Variants in IL17F observed in about 807,000 individuals in gnomAD.
IL17F encodes interleukin-17F.
A neutral mutation model predicts 8.3 loss-of-function variants in IL17F; 6 were observed. The ratio of observed to expected loss-of-function variants is 0.73; its 90% CI spans 0.40 to 1.43. The LOEUF (loss-of-function observed/expected upper bound fraction) is 1.43, where lower values mean the gene tolerates loss of function less well. Ranked by LOEUF, IL17F falls within the 40% of genes most tolerant of loss-of-function variation. IL17F has a pLI of 0.02. For synonymous variants in IL17F, 98 were observed against 81.6 expected (o/e 1.20, Z -1.08); for missense variants, 204 against 209.6 (o/e 0.97, Z 0.17).
intron 1 of IL17F, among the ~76,000 whole-genome samples, chr6:52,243,356 G>C (rs1198469704): frequency 1.3e-5 from 2 of 152,078 alleles, no homozygotes; most frequent in Non-Finnish European, 2.9e-5. Flanking sequence ...AGACCTGCTG[G>C]GGCTAGATTT....
chr6:52,238,696 A>G, intron 2 of IL17F, 34 bp downstream of exon 2: 1 of 1,540,990 alleles, frequency 6.5e-7, no homozygotes, highest in Non-Finnish European at 9.0e-7. Flanking sequence ...ATATTTTTCC[A>G]AAGAATGTGA....
At chr6:52,241,191 GC>G (rs1325943860) in intron 1 of IL17F, among the ~76,000 whole-genome samples, 2 of 152,118 alleles carry the variant, frequency 1.3e-5, no homozygotes, top group Non-Finnish European at 2.9e-5. Flanking sequence ...CGATTCTCCT[GC>G]CTCAGCCTTC....
chr6:52,243,997 G>A (rs1037252475), intron 1 of IL17F, among the ~76,000 whole-genome samples: 1 of 152,106 alleles, frequency 6.6e-6, no homozygotes, highest in African/African-American at 2.4e-5. Flanking sequence ...GACCTCAAGT[G>A]ATCCACCCAC....
chr6:52,244,485 G>GT lies in IL17F; in HGVS notation c.-57dup, dbSNP rs1236977136. 1 of 1,515,734 alleles carries GT rather than the reference G, an allele frequency of 6.6e-7. No homozygotes were observed. Among genetic ancestry groups the GT allele is most frequent in the African/African-American group, 1.4e-5 (1 of 72,868 alleles). 93.9% of individuals were successfully genotyped at this position (1,515,734 alleles called of 1,614,324 possible). On this transcript the variant is annotated 5_prime_UTR_variant, in exon 1 of 3. Transcript: ENST00000336123. ...GCTCTTTCTGTGAATGTATCTTCCT[G>GT]TGTATGCCTGTGTTCTATCAATGAG...
At position 52,244,474 on chromosome 6, in the gene IL17F, T is replaced by G; in HGVS notation, c.-45A>C. 6.3e-7 allele frequency: 1 copy of G among 1,585,206 alleles called. No individual in the cohort carries two copies. The highest frequency in any genetic ancestry group is 1.7e-4 in the Middle Eastern group (1 of 5,994). ...TTGTGCAGGAAGCTCTTTCTGTGAA[T>G]GTATCTTCCTGTGTATGCCTGTGTT... On this transcript the variant is annotated 5_prime_UTR_variant, in exon 1 of 3. Transcript: ENST00000336123.
intron 1 of IL17F, among the ~76,000 whole-genome samples, chr6:52,244,141 C>T (rs186310225): frequency 3.7e-4 from 56 of 152,166 alleles, no homozygotes; most frequent in Admixed American, 1.2e-3. Flanking sequence ...GTGACCCGCC[C>T]GCCTTGGCCT....
upstream of IL17F, among the ~76,000 whole-genome samples, chr6:52,245,265 A>G (rs1308374296): frequency 6.6e-6 from 1 of 152,192 alleles, no homozygotes; most frequent in Non-Finnish European, 1.5e-5. Context: ...ATCTCCAGGT[A>G]GGTAGAGTCA....
intron 1 of IL17F, among the ~76,000 whole-genome samples, chr6:52,242,741 C>T (rs1284769806): frequency 6.6e-6 from 1 of 152,136 alleles, no homozygotes; most frequent in East Asian, 1.9e-4. Flanking sequence ...GAAAGTATTC[C>T]CATCTACTTC....
chr6:52,240,385 C>G (rs544215020), intron 1 of IL17F, among the ~76,000 whole-genome samples: 1 of 142,714 alleles, frequency 7.0e-6, no homozygotes, highest in Admixed American at 7.5e-5. Flanking sequence ...TGCAGTGAGC[C>G]GAAATTGCAC....
chr6:52,244,535 C>T, upstream of IL17F: 3 of 1,108,710 alleles, frequency 2.7e-6, no homozygotes, highest in Non-Finnish European at 4.1e-6. Context: ...TTATAGCAAT[C>T]ATTGCCCCTG....
At position 52,237,138 on chromosome 6, in the gene IL17F, C is replaced by T. The variant is rs781668456; in HGVS notation, c.285G>A (p.Ser95=). The change falls in exon 3 of 3, where the codon TCG becomes TCA. Residue 95 remains serine, a synonymous_variant. Transcript: ENST00000336123. ...TVTWDPNRYP[S]EVVQAQCRNL... ...TCCTACACTGGGCCTGTACAACTTC[C>T]GAGGGGTACCGGTTGGGGTCCCAAG... 6 of 1,614,024 alleles carry T rather than the reference C, an allele frequency of 3.7e-6. No individual in the cohort carries two copies. Among genetic ancestry groups the T allele is most frequent in the East Asian group, 2.2e-5 (1 of 44,864 alleles).
chr6:52,241,448 A>G (rs1441185350), intron 1 of IL17F, among the ~76,000 whole-genome samples: 1 of 152,026 alleles, frequency 6.6e-6, no homozygotes, highest in Non-Finnish European at 1.5e-5. Context: ...AAGCCTACCA[A>G]TCACATATTT....
Position 52,244,433 on chromosome 6 carries a change from G to T in IL17F, c.-4C>A. The T allele has an allele frequency of 1.2e-6, 2 of 1,614,018 alleles. No homozygotes were observed. Among genetic ancestry groups the T allele is most frequent in the Non-Finnish European group, 1.7e-6 (2 of 1,179,902 alleles). ...CATGCAGGGTCTTCACTGTCATGTT[G>T]CGCTGGTGGCTTACTTTGTGCAGGA... On this transcript the variant is annotated 5_prime_UTR_variant, in exon 1 of 3. Transcript: ENST00000336123.
At position 52,244,207 on chromosome 6, in the gene IL17F, T is replaced by G. The variant is rs2294834; in HGVS notation, c.33+190A>C. The stretch of plus-strand genomic sequence containing the variant: ...ACCACGCCTGGCCAGGAGCTGCATT[T>G]TTATGCCATTATAACTTTTCTAGTT... On this transcript the variant is annotated intron_variant, in intron 1 of 2. Coordinates refer to ENST00000336123, the MANE Select transcript of IL17F (RefSeq NM_052872.4). Among the ~76,000 whole-genome samples the G allele has an allele frequency of 0.2, 30,164 of 152,182 alleles. 3,214 individuals carry two copies. Among genetic ancestry groups the G allele is most frequent in the African/African-American group, 0.26 (10,990 of 41,512 alleles).
At chr6:52,244,836 T>C (rs1469634783), upstream of IL17F, among the ~76,000 whole-genome samples, 2 of 152,254 alleles carry the variant, frequency 1.3e-5, no homozygotes, top group Non-Finnish European at 2.9e-5. Flanking sequence ...TCACGGACCA[T>C]ATGTTCTACT....
At chr6:52,239,020 G>T in intron 1 of IL17F, 70 bp from the exon 2 acceptor site, 1 of 1,329,756 alleles carries the variant, frequency 7.5e-7, no homozygotes, top group Non-Finnish European at 1.1e-6. Flanking sequence ...GCATGGTCTG[G>T]CGGAACTCAG....
At chr6:52,237,270 C>A in intron 2 of IL17F, 102 bp from the exon 3 acceptor site, 1 of 861,376 alleles carries the variant, frequency 1.2e-6, no homozygotes. Flanking sequence ...GGAGGCAGTT[C>A]TGCAGGGCTG....
rs1306995249 is a variant in IL17F, at chr6:52,236,910, A to C, written c.*21T>G. 2.5e-6 allele frequency: 4 copies of C among 1,589,502 alleles called. No homozygotes were observed. The highest frequency in any genetic ancestry group is 3.5e-6 in the Non-Finnish European group (4 of 1,157,574). ...GGAGTGGCATTTCTACAGCTTCTTC[A>C]GCTGAGTGGATATGCACCTCTTACT... On this transcript the variant is annotated 3_prime_UTR_variant, in exon 3 of 3. Coordinates refer to ENST00000336123, the MANE Select transcript of IL17F (RefSeq NM_052872.4).
At chr6:52,242,311 C>A (rs1316352630) in intron 1 of IL17F, among the ~76,000 whole-genome samples, 1 of 152,204 alleles carries the variant, frequency 6.6e-6, no homozygotes, top group East Asian at 1.9e-4. Context: ...ACCTGAGCAA[C>A]CTGAACATCC....
Sources: allele counts gnomAD v4.1 joint callset (sites outside exome capture counted in the v4.1 genomes callset), GRCh38; gene constraint gnomAD v4.1.1; transcripts MANE v1.5; gene names NCBI Gene and HGNC (gene_info 2026-07-23, HGNC 2026-07-21).